Variants in ST3GAL2 observed in about 807,000 individuals in gnomAD.
ST3GAL2 encodes the protein CMP-N-acetylneuraminate-beta-galactosamide-alpha-2,3-sialyltransferase 2.
A neutral mutation model predicts 37.5 loss-of-function variants in ST3GAL2; 16 were observed. The observed-to-expected ratio is 0.43, with a 90% CI of 0.29 to 0.65. The LOEUF (loss-of-function observed/expected upper bound fraction) is 0.65, where lower values mean the gene tolerates loss of function less well. Among genes scored for constraint, ST3GAL2 ranks in the 30% least tolerant of loss-of-function variants. The pLI is 0.17. For synonymous variants in ST3GAL2, 238 were observed against 202.9 expected (o/e 1.17, Z -1.47); for missense variants, 383 against 487.8 (o/e 0.79, Z 2.02).
chr16:70,409,672 C>T (rs561688887), intron 1 of ST3GAL2, among the ~76,000 whole-genome samples: 2 of 152,042 alleles, frequency 1.3e-5, no homozygotes, highest in African/African-American at 2.4e-5. Context: ...CAGGATCTCA[C>T]TCTGCTGCCC....
chr16:70,393,049 C>T lies in ST3GAL2; in HGVS notation c.533+1933G>A, dbSNP rs185917471. ...TCTGGGGTCCACTCTATACCACCCC[C>T]CTTCCTTACCTGGCCCCTGTGAGGA... is the stretch of plus-strand genomic sequence containing the variant. On this transcript the variant is annotated intron_variant, in intron 3 of 6. Transcript: ENST00000342907. Among the ~76,000 whole-genome samples the T allele has an allele frequency of 3.1e-3, 472 of 152,082 alleles. 2 individuals carry two copies. The highest frequency in any genetic ancestry group is 5.2e-3 in the Non-Finnish European group (352 of 67,994).
intron 1 of ST3GAL2, among the ~76,000 whole-genome samples, chr16:70,408,726 T>C (rs1339778348): frequency 1.3e-5 from 2 of 151,502 alleles, no homozygotes; most frequent in Admixed American, 6.6e-5. Context: ...GCCCAGAGTT[T>C]GTAGCCAGAA....
At chr16:70,415,391 G>T (rs964284253) in intron 1 of ST3GAL2, among the ~76,000 whole-genome samples, 1 of 152,226 alleles carries the variant, frequency 6.6e-6, no homozygotes, top group African/African-American at 2.4e-5. Flanking sequence ...GCGGCACGGG[G>T]AAGGTCACAA....
chr16:70,388,277 A>G, intron 4 of ST3GAL2, 90 bp downstream of exon 4: 1 of 1,550,204 alleles, frequency 6.5e-7, no homozygotes, highest in Non-Finnish European at 8.8e-7. Flanking sequence ...AAAATGTTCA[A>G]TGAAAGGAAT....
intron 4 of ST3GAL2, among the ~76,000 whole-genome samples, chr16:70,387,149 A>G (rs2047448906): frequency 6.6e-6 from 1 of 152,134 alleles, no homozygotes; most frequent in South Asian, 2.1e-4. Flanking sequence ...CCAGCTACTC[A>G]GAAGGCCGAG....
chr16:70,417,368 G>A (rs1030868517), intron 1 of ST3GAL2, among the ~76,000 whole-genome samples: 5 of 146,272 alleles, frequency 3.4e-5, no homozygotes, highest in South Asian at 2.3e-4. Flanking sequence ...AGCAGGCACC[G>A]GCCTCCAGGA....
intron 1 of ST3GAL2, among the ~76,000 whole-genome samples, chr16:70,415,878 C>T (rs200825159): frequency 6.7e-6 from 1 of 150,252 alleles, no homozygotes; most frequent in Non-Finnish European, 1.5e-5. Context: ...CGGGTTCAAG[C>T]GATTCTCCTG....
At chr16:70,415,878 C>A (rs200825159) in intron 1 of ST3GAL2, among the ~76,000 whole-genome samples, 1 of 150,254 alleles carries the variant, frequency 6.7e-6, no homozygotes, top group Non-Finnish European at 1.5e-5. Context: ...CGGGTTCAAG[C>A]GATTCTCCTG....
Position 70,429,916 on chromosome 16 carries a change from G to A in ST3GAL2, c.-1004+9033C>T, listed in dbSNP as rs890750721. Reference sequence around the variant, plus strand: ...CCTTGGCCTCCCAGGCTTAGAGAGGGGTAATGACTTGCCCCGGGTCACACA... The same window carrying A: ...CCTTGGCCTCCCAGGCTTAGAGAGGAGTAATGACTTGCCCCGGGTCACACA... On this transcript the variant is annotated intron_variant, in intron 1 of 6. Coordinates refer to ENST00000342907, the MANE Select transcript of ST3GAL2 (RefSeq NM_006927.4). 9.2e-5 allele frequency among the ~76,000 whole-genome samples: 14 copies of A among 152,244 alleles called. 1 individual carries two copies. Among genetic ancestry groups the A allele is most frequent in the Admixed American group, 2.0e-4 (3 of 15,302 alleles).
At chr16:70,386,106 T>C (rs1286424373) in intron 4 of ST3GAL2, among the ~76,000 whole-genome samples, 1 of 151,932 alleles carries the variant, frequency 6.6e-6, no homozygotes, top group East Asian at 1.9e-4. Flanking sequence ...CTGTAACCTC[T>C]GCCTCCCAGG....
chr16:70,405,484 T>G (rs1466787036), intron 1 of ST3GAL2, among the ~76,000 whole-genome samples: 1 of 135,046 alleles, frequency 7.4e-6, no homozygotes, highest in Non-Finnish European at 1.5e-5. Flanking sequence ...GAGCTTGCAG[T>G]GAGCCGAGAT....
chr16:70,400,241 G>A (rs990622508), intron 1 of ST3GAL2: 10 of 152,532 alleles, frequency 6.6e-5, no homozygotes, highest in South Asian at 4.1e-4. Context: ...TTGCAGGCAA[G>A]AACAGGGAGA....
Position 70,435,901 on chromosome 16 carries a change from G to A in ST3GAL2, c.-1004+3048C>T, listed in dbSNP as rs989887429. On this transcript the variant is annotated intron_variant, in intron 1 of 6. Coordinates refer to ENST00000342907, the MANE Select transcript of ST3GAL2 (RefSeq NM_006927.4). ...CCAACAGTGGGAAGCTGAGGCGGGC[G>A]GAGCACCTGAGGTCAGGAGTTCGAG... Among the ~76,000 whole-genome samples, 9 of 151,384 alleles carry A rather than the reference G, an allele frequency of 5.9e-5. 1 individual carries two copies. In the South Asian group the frequency reaches 1.7e-3, roughly 28 times the overall value.
intron 1 of ST3GAL2, among the ~76,000 whole-genome samples, chr16:70,432,716 G>T (rs2047799564): frequency 1.3e-5 from 2 of 152,144 alleles, no homozygotes; most frequent in East Asian, 3.8e-4. Flanking sequence ...GCTGAATGAG[G>T]ACTTATCATT....
intron 1 of ST3GAL2, among the ~76,000 whole-genome samples, chr16:70,432,006 G>T (rs72790696): frequency 6.9e-6 from 1 of 145,332 alleles, no homozygotes; most frequent in Non-Finnish European, 1.5e-5. Context: ...ACTTAGCTGG[G>T]CACAAAGTAG....
chr16:70,401,270 A>G (rs1373158483), intron 1 of ST3GAL2, among the ~76,000 whole-genome samples: 1 of 152,246 alleles, frequency 6.6e-6, no homozygotes, highest in Non-Finnish European at 1.5e-5. Context: ...AAGCAACTCA[A>G]TCAGGGAAGT....
intron 4 of ST3GAL2, among the ~76,000 whole-genome samples, chr16:70,384,705 C>CAAA (rs34907504): frequency 1.0e-4 from 7 of 69,082 alleles, no homozygotes; most frequent in East Asian, 4.1e-4. Context: ...AACTCTGTCT[C>CAAA]AAAAAAAAAA....
chr16:70,421,186 TCTTC>T (rs1440372980), intron 1 of ST3GAL2, among the ~76,000 whole-genome samples: 1 of 152,204 alleles, frequency 6.6e-6, no homozygotes, highest in African/African-American at 2.4e-5. Context: ...AGCTGAGCAG[TCTTC>T]CTCTTTCCTG....
At chr16:70,436,275 A>G (rs529561250) in intron 1 of ST3GAL2, among the ~76,000 whole-genome samples, 1 of 152,110 alleles carries the variant, frequency 6.6e-6, no homozygotes, top group Non-Finnish European at 1.5e-5. Flanking sequence ...TAAAAATACA[A>G]AAAGTAGCGG....
Sources: allele counts gnomAD v4.1 joint callset (sites outside exome capture counted in the v4.1 genomes callset), GRCh38; gene constraint gnomAD v4.1.1; transcripts MANE v1.5; gene names NCBI Gene and HGNC (gene_info 2026-07-23, HGNC 2026-07-21).